The following SIK3 variants were observed in gnomAD, a reference collection of about 807,000 sequenced individuals.
The protein encoded by SIK3 is serine/threonine-protein kinase SIK3.
Under a neutral mutation model 144.2 loss-of-function variants are expected in SIK3, and 28 were observed. That is an observed-to-expected ratio of 0.19 (90% confidence interval 0.14 to 0.27). The LOEUF (loss-of-function observed/expected upper bound fraction) is 0.27, where lower values mean the gene tolerates loss of function less well. Ranked by LOEUF, SIK3 falls within the 10% of genes least tolerant of loss-of-function variation. The pLI is 1.00. For missense variants in SIK3, 1,319 were observed against 1,776.0 expected, an observed-to-expected ratio of 0.74 and a Z score of 4.62; for synonymous variants, 686 against 676.3, an observed-to-expected ratio of 1.01 and a Z score of -0.22.
chr11:117,019,077 T>G (rs1168282339), intron 1 of SIK3, among the ~76,000 whole-genome samples: 4 of 149,148 alleles, frequency 2.7e-5, no homozygotes, highest in African/African-American at 9.9e-5. Flanking sequence ...TGGAGTGCAG[T>G]GGCATGATCT....
intron 3 of SIK3, among the ~76,000 whole-genome samples, chr11:116,953,574 G>A (rs1949031202): frequency 6.6e-6 from 1 of 152,130 alleles, no homozygotes; most frequent in African/African-American, 2.4e-5. Context: ...GAATTACTGA[G>A]GGGAACTGTG....
chr11:116,965,934 CA>C (rs953982532), intron 1 of SIK3, among the ~76,000 whole-genome samples: 89 of 124,100 alleles, frequency 7.2e-4, no homozygotes, highest in African/African-American at 6.1e-4. Flanking sequence ...GACTCCGTCT[CA>C]AAAAAAAAAA....
At chr11:116,939,806 C>T (rs1300034875) in intron 3 of SIK3, among the ~76,000 whole-genome samples, 1 of 152,070 alleles carries the variant, frequency 6.6e-6, no homozygotes, top group East Asian at 1.9e-4. Context: ...CAGTTTCTTA[C>T]ATAAATAGAT....
At chr11:117,055,054 T>C (rs1953449342) in intron 1 of SIK3, among the ~76,000 whole-genome samples, 2 of 152,210 alleles carry the variant, frequency 1.3e-5, no homozygotes, top group Non-Finnish European at 2.9e-5. Context: ...ATTATCACCC[T>C]TTCATAAATG....
intron 1 of SIK3, among the ~76,000 whole-genome samples, chr11:117,071,389 G>A (rs890808755): frequency 3.3e-5 from 5 of 151,610 alleles, no homozygotes; most frequent in South Asian, 2.1e-4. Flanking sequence ...CATGAAGATC[G>A]GGCTTCCACT....
At chr11:116,869,540 T>C (rs1333967632) in intron 14 of SIK3, 5 of 152,340 alleles carry the variant, frequency 3.3e-5, no homozygotes, top group African/African-American at 1.2e-4. Context: ...TGAAAACCAT[T>C]TTATTTCAAC....
At chr11:116,958,513 G>GA (rs1434044898) in intron 1 of SIK3, among the ~76,000 whole-genome samples, 1 of 152,002 alleles carries the variant, frequency 6.6e-6, no homozygotes, top group Admixed American at 6.6e-5. Flanking sequence ...GTCTAAAAAG[G>GA]AAAAAAGATG....
At chr11:117,050,602 G>A (rs562590947) in intron 1 of SIK3, among the ~76,000 whole-genome samples, 34 of 151,762 alleles carry the variant, frequency 2.2e-4, no homozygotes, top group African/African-American at 7.0e-4. Flanking sequence ...CAGGAGAATC[G>A]CTTGAACCTG....
intron 1 of SIK3, among the ~76,000 whole-genome samples, chr11:117,032,921 C>T (rs1952325463): frequency 6.6e-6 from 1 of 152,046 alleles, no homozygotes; most frequent in Admixed American, 6.6e-5. Context: ...ATAAAAGAAG[C>T]ATTCATATAT....
chr11:117,060,597 C>CAA (rs367663538), intron 1 of SIK3, among the ~76,000 whole-genome samples: 74 of 96,868 alleles, frequency 7.6e-4, no homozygotes, highest in East Asian at 4.9e-3. Flanking sequence ...AACTCCATCT[C>CAA]AAAAAAAAAA....
Position 116,867,770 on chromosome 11 carries a change from A to G in SIK3, c.1952+176T>C, listed in dbSNP as rs1353666697. ...ATCTCGCATTGCTCCAGGGCGCAGT[A>G]AAAAACCTTTGCCCTGTGCATTGCT... On this transcript the variant is annotated intron_variant, in intron 15 of 24. Transcript: ENST00000445177. This position sits in a 1 kb window ranked among gnomAD's most constrained non-coding sequence, Gnocchi z 4.1. The G allele has an allele frequency of 1.8e-6, 1 of 543,596 alleles. No individual in the cohort carries two copies. The highest frequency in any genetic ancestry group is 3.1e-6 in the Non-Finnish European group (1 of 326,978). The allele number at this position is 543,596 out of a possible 1,614,324, so 33.7% of individuals were successfully genotyped here. A position where few individuals can be genotyped will look rare whatever the true frequency, so the allele number is the denominator to read the frequency against.
chr11:117,029,434 G>C (rs1332593654), intron 1 of SIK3, among the ~76,000 whole-genome samples: 2 of 152,084 alleles, frequency 1.3e-5, no homozygotes, highest in African/African-American at 4.8e-5. Context: ...TCTAGCCTGA[G>C]CAACAGAGCC....
At chr11:116,959,947 A>G (rs933055508) in intron 1 of SIK3, among the ~76,000 whole-genome samples, 12 of 152,250 alleles carry the variant, frequency 7.9e-5, no homozygotes, top group African/African-American at 2.9e-4. Flanking sequence ...CAACAGAAAG[A>G]CATGATAAAT....
chr11:116,995,370 C>G (rs933002565), intron 1 of SIK3, among the ~76,000 whole-genome samples: 1 of 151,778 alleles, frequency 6.6e-6, no homozygotes, highest in Non-Finnish European at 1.5e-5. Flanking sequence ...CTCAGGAGAT[C>G]CTCCCGCCTC....
At chr11:117,021,592 G>C (rs965829596) in intron 1 of SIK3, among the ~76,000 whole-genome samples, 3 of 152,048 alleles carry the variant, frequency 2.0e-5, no homozygotes, top group Non-Finnish European at 2.9e-5. Context: ...TTCACACATA[G>C]GGGATTATGT....
Position 116,875,228 on chromosome 11 carries a change from C to T in SIK3, c.1357G>A (p.Glu453Lys), listed in dbSNP as rs1369007440. The T allele has an allele frequency of 6.2e-7, 1 of 1,614,078 alleles. No homozygotes were observed. The highest frequency in any genetic ancestry group is 1.3e-5 in the African/African-American group (1 of 74,926). ...TLNLDSDEGE[E>K]PSPEALVRYL... is the part of the protein sequence containing the mutation. ...CGCACCAATGCTTCAGGGGAAGGCT[C>T]TTCACCCTCATCACTGTCCAAATTC... The change falls in exon 11 of 25, where the codon GAG (glutamate) becomes AAG (lysine). Residue 453 changes from glutamate (E) to lysine (K), a missense_variant. This residue lies in a region of SIK3 where 167 missense variants were observed against 263.3 expected (regional missense o/e 0.63). Coordinates refer to ENST00000445177, the MANE Select transcript of SIK3 (RefSeq NM_001366686.3).
intron 1 of SIK3, among the ~76,000 whole-genome samples, chr11:117,034,935 A>C (rs1382405452): frequency 6.6e-6 from 1 of 152,232 alleles, no homozygotes; most frequent in Non-Finnish European, 1.5e-5. Flanking sequence ...CCTTGCTAAT[A>C]TTTTTAATAA....
At chr11:117,001,474 C>T (rs748438579) in intron 1 of SIK3, among the ~76,000 whole-genome samples, 3 of 151,870 alleles carry the variant, frequency 2.0e-5, no homozygotes, top group Non-Finnish European at 2.9e-5. Context: ...CCACTGCACT[C>T]CAGCCTGGGC....
intron 18 of SIK3, 115 bp downstream of exon 18, chr11:116,861,726 C>T: frequency 2.8e-6 from 2 of 716,754 alleles, no homozygotes; most frequent in South Asian, 3.8e-5. Flanking sequence ...CTCTCCTTTT[C>T]AAATAGATTC....
Sources: allele counts gnomAD v4.1 joint callset (sites outside exome capture counted in the v4.1 genomes callset), GRCh38; gene constraint gnomAD v4.1.1; regional missense constraint gnomAD v4.1.1; non-coding constraint Gnocchi (gnomAD v3.1); transcripts MANE v1.5; gene names NCBI Gene and HGNC (gene_info 2026-07-23, HGNC 2026-07-21).